The following ROBO2 variants were observed in gnomAD, a reference collection of about 807,000 sequenced individuals.
ROBO2 encodes roundabout guidance receptor 2.
ROBO2 carries 53 observed loss-of-function variants against 160.8 expected under a neutral mutation model. The observed-to-expected ratio is 0.33, with a 90% CI of 0.26 to 0.41. The LOEUF is 0.41. Ranked by LOEUF, ROBO2 falls within the 10% of genes least tolerant of loss-of-function variation. ROBO2 has a pLI of 1.00. For synonymous variants in ROBO2, 664 were observed against 611.7 expected, an observed-to-expected ratio of 1.09 and a Z score of -1.26; for missense variants, 1,577 against 1,722.4, an observed-to-expected ratio of 0.92 and a Z score of 1.49.
intron 2 of ROBO2, among the ~76,000 whole-genome samples, chr3:76,205,790 C>G (rs1384813842): frequency 6.6e-6 from 1 of 152,108 alleles, no homozygotes; most frequent in Non-Finnish European, 1.5e-5. Context: ...TCATAAAATT[C>G]TTCTCCAGTA....
In ROBO2 at chr3:76,711,581, A is replaced by C. The variant is rs35822377; in HGVS notation, c.110-386433A>C. 5.6e-3 allele frequency among the ~76,000 whole-genome samples: 851 copies of C among 152,292 alleles called. 5 individuals are homozygous for C. Among genetic ancestry groups the C allele is most frequent in the Non-Finnish European group, 7.8e-3 (533 of 68,028 alleles). On this transcript the variant is annotated intron_variant, in intron 2 of 26. Coordinates refer to the ROBO2 transcript ENST00000487694. ...TAACGAAATCCATCCACACATCTACATTAAGCACCTGTCAAATGGCAGGGA... is the reference window on the plus strand; with the variant it reads ...TAACGAAATCCATCCACACATCTACCTTAAGCACCTGTCAAATGGCAGGGA...
intron 2 of ROBO2, among the ~76,000 whole-genome samples, chr3:77,101,808 G>A (rs1215674404): frequency 6.6e-6 from 1 of 152,198 alleles, no homozygotes; most frequent in Non-Finnish European, 1.5e-5. Context: ...GGGAGGCCCA[G>A]GTGGGTGGAT....
rs572997845 is a variant in ROBO2, at chr3:77,110,155, T to C, written c.388+11815T>C. ...CATCAAGAAAATCCATCACTTTCAG[T>C]TCTCATTGACATGTTTGCAGGCCAA... On this transcript the variant is annotated intron_variant, in intron 2 of 25. Coordinates refer to ENST00000461745, the Ensembl canonical transcript of ROBO2. 8.3e-4 allele frequency among the ~76,000 whole-genome samples: 126 copies of C among 152,328 alleles called. 1 individual carries two copies. Among genetic ancestry groups the C allele is most frequent in the African/African-American group, 2.9e-3 (122 of 41,584 alleles).
intron 2 of ROBO2, among the ~76,000 whole-genome samples, chr3:77,374,956 C>T (rs972806293): frequency 2.6e-5 from 4 of 152,150 alleles, no homozygotes; most frequent in Non-Finnish European, 5.9e-5. Context: ...TACCTGTAAT[C>T]CCGGCGCTTT....
intron 2 of ROBO2, among the ~76,000 whole-genome samples, chr3:76,651,742 T>C (rs2091267645): frequency 1.3e-5 from 2 of 152,202 alleles, no homozygotes; most frequent in Admixed American, 1.3e-4. Flanking sequence ...CATCTCCCCC[T>C]TTTAACTACT....
intron 2 of ROBO2, among the ~76,000 whole-genome samples, chr3:76,873,594 C>T (rs1017399136): frequency 4.0e-5 from 6 of 151,646 alleles, no homozygotes; most frequent in African/African-American, 9.7e-5. Flanking sequence ...TCGTCGTTGT[C>T]GTCGTCGTAG....
At chr3:77,213,564 G>C (rs992151714) in intron 2 of ROBO2, among the ~76,000 whole-genome samples, 2 of 151,988 alleles carry the variant, frequency 1.3e-5, no homozygotes, top group African/African-American at 4.8e-5. Context: ...AGGGTTTTTT[G>C]TGTCTCTATT....
chr3:76,174,594 T>C (rs2073161025), intron 2 of ROBO2, among the ~76,000 whole-genome samples: 1 of 152,230 alleles, frequency 6.6e-6, no homozygotes, highest in Admixed American at 6.5e-5. Context: ...TAGTCAGTTT[T>C]CCCAGGATCA....
At chr3:75,910,146 G>C (rs1464444166) in intron 1 of ROBO2, among the ~76,000 whole-genome samples, 2 of 152,160 alleles carry the variant, frequency 1.3e-5, no homozygotes, top group East Asian at 3.9e-4. Flanking sequence ...ATGCCCTGGA[G>C]TTTCTGTATA....
chr3:77,362,494 A>T (rs997144210), intron 2 of ROBO2, among the ~76,000 whole-genome samples: 1 of 152,136 alleles, frequency 6.6e-6, no homozygotes, highest in African/African-American at 2.4e-5. Context: ...GTGATCAGGT[A>T]TCTGTGGTGG....
chr3:77,027,197 A>G (rs1438044554), intron 2 of ROBO2, among the ~76,000 whole-genome samples: 1 of 152,174 alleles, frequency 6.6e-6, no homozygotes, highest in Non-Finnish European at 1.5e-5. Context: ...AGCCTGACAA[A>G]CAATAATGTT....
chr3:76,007,253 G>A (rs892466928), intron 2 of ROBO2, among the ~76,000 whole-genome samples: 2 of 152,092 alleles, frequency 1.3e-5, no homozygotes, highest in Non-Finnish European at 2.9e-5. Context: ...TGCACAGCTT[G>A]AGAAAATGTT....
chr3:77,347,634 G>A (rs748574434), intron 2 of ROBO2, among the ~76,000 whole-genome samples: 26 of 151,782 alleles, frequency 1.7e-4, no homozygotes, highest in Non-Finnish European at 3.2e-4. Flanking sequence ...TACGACCCAC[G>A]GTGACTTTCA....
At chr3:77,503,602 AAAAT>A (rs1208101539) in intron 5 of ROBO2, among the ~76,000 whole-genome samples, 3 of 151,696 alleles carry the variant, frequency 2.0e-5, no homozygotes, top group Admixed American at 6.6e-5. Flanking sequence ...AGTTTCTTCA[AAAAT>A]AAATCAATAG....
intron 2 of ROBO2, among the ~76,000 whole-genome samples, chr3:76,962,022 C>A (rs2079698869): frequency 6.6e-6 from 1 of 152,074 alleles, no homozygotes; most frequent in Non-Finnish European, 1.5e-5. Context: ...AACATAGCAA[C>A]ACCTTAACTC....
chr3:77,561,265 C>T (rs888200184), intron 9 of ROBO2, among the ~76,000 whole-genome samples: 12 of 152,102 alleles, frequency 7.9e-5, no homozygotes, highest in Admixed American at 7.9e-4. Flanking sequence ...ATTCCATGAG[C>T]GACTATATTT....
At chr3:77,546,271 T>C (rs1277751236) in intron 6 of ROBO2, 67 bp from the exon 8 acceptor site, 2 of 1,556,682 alleles carry the variant, frequency 1.3e-6, no homozygotes, top group African/African-American at 2.7e-5. Context: ...TACCATATTT[T>C]CTCCTTGACA....
chr3:76,937,436 C>T (rs1423140767), intron 2 of ROBO2, among the ~76,000 whole-genome samples: 1 of 152,020 alleles, frequency 6.6e-6, no homozygotes, highest in East Asian at 1.9e-4. Context: ...TTTATCACAG[C>T]TATAATCAGA....
At chr3:76,158,279 C>G (rs573473981) in intron 2 of ROBO2, among the ~76,000 whole-genome samples, 1 of 152,068 alleles carries the variant, frequency 6.6e-6, no homozygotes, top group African/African-American at 2.4e-5. Context: ...TTCTCTCCAT[C>G]CTCTCTGTTC....
Sources: allele counts gnomAD v4.1 joint callset (sites outside exome capture counted in the v4.1 genomes callset), GRCh38; gene constraint gnomAD v4.1.1; transcripts MANE v1.5; gene names NCBI Gene and HGNC (gene_info 2026-07-23, HGNC 2026-07-21).